The following SEMA3A variants were observed in gnomAD, a reference collection of about 807,000 sequenced individuals.
SEMA3A encodes semaphorin-3A.
SEMA3A carries 29 observed loss-of-function variants against 97.9 expected under a neutral mutation model. That is an observed-to-expected ratio of 0.30 (90% CI 0.22 to 0.40). The LOEUF is 0.40. SEMA3A is among the 10% of genes least tolerant of loss of function. The pLI, the probability that SEMA3A is intolerant of heterozygous loss-of-function variation, is 1.00. For synonymous variants in SEMA3A, 321 were observed against 323.7 expected (o/e 0.99, Z 0.09); for missense variants, 763 against 951.3 (o/e 0.80, Z 2.60).
intron 1 of SEMA3A, among the ~76,000 whole-genome samples, chr7:84,173,144 T>C (rs1797445070): frequency 1.3e-5 from 2 of 152,200 alleles, no homozygotes. Context: ...ATATTTTACT[T>C]ATTATGTATG....
At chr7:84,062,157 T>C in intron 4 of SEMA3A, among the ~76,000 whole-genome samples, 1 of 152,214 alleles carries the variant, frequency 6.6e-6, no homozygotes, top group Non-Finnish European at 1.5e-5. Context: ...GTATTACCAG[T>C]ATAGCAAAAT....
intron 2 of SEMA3A, among the ~76,000 whole-genome samples, chr7:84,315,274 A>G (rs1394456203): frequency 1.3e-5 from 2 of 152,054 alleles, no homozygotes; most frequent in Admixed American, 6.6e-5. Flanking sequence ...GATTTTTTTA[A>G]CTCTTGAAAA....
intron 2 of SEMA3A, among the ~76,000 whole-genome samples, chr7:84,357,047 C>A (rs540883566): frequency 6.6e-6 from 1 of 151,804 alleles, no homozygotes; most frequent in Admixed American, 6.6e-5. Flanking sequence ...CTGAGCACCA[C>A]ACACACTAAA....
intron 3 of SEMA3A, among the ~76,000 whole-genome samples, chr7:84,245,804 G>A (rs1220539848): frequency 6.6e-6 from 1 of 152,070 alleles, no homozygotes; most frequent in Non-Finnish European, 1.5e-5. Context: ...CTGCTGGGAG[G>A]TATCTCTCAG....
At chr7:84,054,376 ACATAGTCC>A (rs1302315530) in intron 5 of SEMA3A, among the ~76,000 whole-genome samples, 6 of 151,724 alleles carry the variant, frequency 4.0e-5, no homozygotes, top group Non-Finnish European at 8.9e-5. Context: ...TGGTCTTTTC[ACATAGTCC>A]CATATTTCTT....
At chr7:84,249,368 C>CTATCT (rs141713074) in intron 3 of SEMA3A, among the ~76,000 whole-genome samples, 12 of 143,236 alleles carry the variant, frequency 8.4e-5, no homozygotes, top group East Asian at 6.3e-4. Context: ...CTCTGTCTAT[C>CTATCT]ATCTATCTAT....
At chr7:84,467,514 G>A (rs544848634) in intron 1 of SEMA3A, among the ~76,000 whole-genome samples, 3 of 131,834 alleles carry the variant, frequency 2.3e-5, no homozygotes, top group East Asian at 2.3e-4. Flanking sequence ...GTGACAGAGC[G>A]AGACTCCTTC....
intron 1 of SEMA3A, among the ~76,000 whole-genome samples, chr7:84,433,493 T>C (rs1805042637): frequency 6.6e-6 from 1 of 152,196 alleles, no homozygotes; most frequent in South Asian, 2.1e-4. Flanking sequence ...ACATTTGGGT[T>C]CGTTCCAAGT....
At chr7:84,286,645 G>A (rs1800596249) in intron 3 of SEMA3A, among the ~76,000 whole-genome samples, 1 of 152,064 alleles carries the variant, frequency 6.6e-6, no homozygotes, top group Non-Finnish European at 1.5e-5. Flanking sequence ...CTCAGAATAT[G>A]AGTAAAAGTT....
intron 1 of SEMA3A, among the ~76,000 whole-genome samples, chr7:84,425,466 T>TGC (rs1584315933): frequency 7.2e-6 from 1 of 139,826 alleles, no homozygotes; most frequent in East Asian, 2.0e-4. Context: ...TATAAATATA[T>TGC]ACATATATTT....
At chr7:84,331,829 G>C (rs1275887350) in intron 2 of SEMA3A, among the ~76,000 whole-genome samples, 1 of 152,102 alleles carries the variant, frequency 6.6e-6, no homozygotes, top group Admixed American at 6.6e-5. Flanking sequence ...GGCAGAAAAG[G>C]GGGAAATGGA....
chr7:84,480,131 C>A lies in SEMA3A; in HGVS notation c.-246+12329G>T, dbSNP rs182631818. Among the ~76,000 whole-genome samples the A allele has an allele frequency of 8.3e-4, 127 of 152,280 alleles. 1 individual carries two copies. The highest frequency in any genetic ancestry group is 3.4e-3 in the Middle Eastern group (1 of 294). ...CATTTCTACAAAAAAACACTGAGAA[C>A]AGTGCTTCATAGATGGAATGGCCTC... On this transcript the variant is annotated intron_variant, in intron 1 of 3. Transcript: ENST00000424555.
intron 1 of SEMA3A, among the ~76,000 whole-genome samples, chr7:84,473,041 T>A (rs2116414022): frequency 6.6e-6 from 1 of 152,148 alleles, no homozygotes; most frequent in Non-Finnish European, 1.5e-5. Flanking sequence ...TGCCACTAAA[T>A]CTAGATAAGA....
At chr7:84,042,858 A>G (rs1374910409) in intron 6 of SEMA3A, among the ~76,000 whole-genome samples, 1 of 152,142 alleles carries the variant, frequency 6.6e-6, no homozygotes, top group Non-Finnish European at 1.5e-5. Context: ...AATGGTTAAT[A>G]TGGACAATAA....
chr7:83,963,706 G>T (rs1788568506), intron 15 of SEMA3A, among the ~76,000 whole-genome samples: 2 of 152,050 alleles, frequency 1.3e-5, no homozygotes, highest in Non-Finnish European at 2.9e-5. Context: ...GGACTAATAG[G>T]GCCAGTTTGT....
chr7:84,042,425 T>G (rs1183480485), intron 6 of SEMA3A, among the ~76,000 whole-genome samples: 2 of 152,042 alleles, frequency 1.3e-5, no homozygotes, highest in Non-Finnish European at 2.9e-5. Flanking sequence ...TTGGGATCCA[T>G]GTGGTTTCAT....
At chr7:84,102,726 G>A (rs1794995812) in intron 4 of SEMA3A, among the ~76,000 whole-genome samples, 1 of 149,710 alleles carries the variant, frequency 6.7e-6, no homozygotes, top group South Asian at 2.1e-4. Flanking sequence ...GATTACAGAT[G>A]CCCGCCACCA....
At chr7:84,002,176 G>T (rs1790483779) in intron 11 of SEMA3A, 130 bp from the exon 12 acceptor site, 4 of 567,096 alleles carry the variant, frequency 7.1e-6, no homozygotes, top group African/African-American at 3.8e-5. Context: ...TCATTTTTTG[G>T]TCAAAACATG....
intron 1 of SEMA3A, among the ~76,000 whole-genome samples, chr7:84,450,145 T>G (rs1433817691): frequency 9.2e-5 from 14 of 152,168 alleles, no homozygotes; most frequent in Non-Finnish European, 1.5e-4. Context: ...TTAATTTTTT[T>G]GGGAAACCTC....
Sources: gnomAD v4.1 joint callset for allele counts (sites outside exome capture counted in the v4.1 genomes callset) on GRCh38, gnomAD v4.1.1 for gene constraint, MANE v1.5 for transcripts, NCBI Gene and HGNC (gene_info 2026-07-23, HGNC 2026-07-21) for gene names.